Variants in CRYBG1 observed in about 807,000 individuals in gnomAD.
CRYBG1 encodes the protein beta/gamma crystallin domain-containing protein 1.
A neutral mutation model predicts 189.2 loss-of-function variants in CRYBG1; 139 were observed. The ratio of observed to expected loss-of-function variants is 0.73; its 90% CI spans 0.64 to 0.85. CRYBG1 has a LOEUF of 0.85. Among genes scored for constraint, CRYBG1 ranks in the 40% least tolerant of loss-of-function variants. CRYBG1 has a pLI of 0.00. For synonymous variants in CRYBG1, 1,023 were observed against 1,017.1 expected (o/e 1.01, Z -0.11); for missense variants, 2,611 against 2,675.8 (o/e 0.98, Z 0.53).
At chr6:106,479,209 T>C (rs1275675034) in intron 2 of CRYBG1, among the ~76,000 whole-genome samples, 1 of 152,252 alleles carries the variant, frequency 6.6e-6, no homozygotes, top group Non-Finnish European at 1.5e-5. Flanking sequence ...TATTTTCAAT[T>C]CTCTTGAGTA....
intron 2 of CRYBG1, among the ~76,000 whole-genome samples, chr6:106,508,030 T>G (rs947080478): frequency 6.6e-6 from 1 of 152,218 alleles, no homozygotes; most frequent in African/African-American, 2.4e-5. Context: ...AAGGATCACT[T>G]AAGCCCAAGA....
At chr6:106,518,436 A>G (rs7740989) in intron 3 of CRYBG1, among the ~76,000 whole-genome samples, 34,489 of 152,190 alleles carry the variant, frequency 0.23, 4,180 homozygotes, top group South Asian at 0.34. Context: ...TTGGAGCATG[A>G]GAATGCATTA....
Position 106,512,341 on chromosome 6 carries a change from C to T in CRYBG1, c.1224C>T (p.Asp408=), listed in dbSNP as rs1284336049. 1.9e-6 allele frequency: 3 copies of T among 1,610,808 alleles called. No individual in the cohort carries two copies. Among genetic ancestry groups the T allele is most frequent in the Non-Finnish European group, 2.5e-6 (3 of 1,179,280 alleles). The part of the protein sequence containing the change: ...PRAEDCGDWD[D]MEKRSSGRRS... ...CGGAAGATTGCGGTGACTGGGACGA[C>T]ATGGAGAAGAGGTCCAGCGGCCGTA... Residue 408 remains aspartate (D), a synonymous_variant, in exon 3 of 22, where the codon GAC becomes GAT. Transcript: ENST00000633556.
At chr6:106,375,800 G>A (rs1161181542) in intron 1 of CRYBG1, among the ~76,000 whole-genome samples, 1 of 152,162 alleles carries the variant, frequency 6.6e-6, no homozygotes, top group Non-Finnish European at 1.5e-5. Flanking sequence ...ACCCCTGTGG[G>A]TGTACATACC....
intron 2 of CRYBG1, among the ~76,000 whole-genome samples, chr6:106,464,697 C>T (rs1434400131): frequency 1.3e-5 from 2 of 152,092 alleles, no homozygotes; most frequent in African/African-American, 4.8e-5. Context: ...ATGACAGTAC[C>T]ATTAAAACCA....
intron 1 of CRYBG1, chr6:106,420,589 G>T (rs1352335397): frequency 1.3e-5 from 2 of 152,192 alleles, no homozygotes; most frequent in South Asian, 2.1e-4. Flanking sequence ...TGAGTTTGGG[G>T]TCCTGAGATT....
intron 1 of CRYBG1, among the ~76,000 whole-genome samples, chr6:106,412,276 A>C (rs1259504408): frequency 6.6e-6 from 1 of 152,264 alleles, no homozygotes; most frequent in Non-Finnish European, 1.5e-5. Context: ...CCAATACTAC[A>C]TCAGGCAGCC....
chr6:106,387,781 A>G (rs1053467006), intron 1 of CRYBG1, among the ~76,000 whole-genome samples: 1 of 152,130 alleles, frequency 6.6e-6, no homozygotes, highest in Non-Finnish European at 1.5e-5. Flanking sequence ...CATGGTAACA[A>G]AATTATGAAG....
intron 1 of CRYBG1, among the ~76,000 whole-genome samples, chr6:106,435,931 C>T (rs1267545674): frequency 1.3e-5 from 2 of 152,070 alleles, no homozygotes; most frequent in African/African-American, 4.8e-5. Flanking sequence ...TGAAGTATTC[C>T]AAGATCTAGA....
chr6:106,558,135 A>T (rs990748113), intron 17 of CRYBG1, among the ~76,000 whole-genome samples: 1 of 143,188 alleles, frequency 7.0e-6, no homozygotes, highest in African/African-American at 2.5e-5. Flanking sequence ...AATTATGTCC[A>T]TGACTTTCCA....
intron 1 of CRYBG1, among the ~76,000 whole-genome samples, chr6:106,425,136 C>T (rs765188088): frequency 6.6e-6 from 1 of 152,104 alleles, no homozygotes; most frequent in Non-Finnish European, 1.5e-5. Context: ...CTTTCCAGAC[C>T]CTTATTCTGC....
rs1417538006 is a variant in CRYBG1 at position 106,512,110 on chromosome 6, C to G, written c.993C>G (p.Ala331=). The G allele has an allele frequency of 3.3e-6, 5 of 1,534,520 alleles. No individual in the cohort carries two copies. The highest frequency in any genetic ancestry group is 4.4e-6 in the Non-Finnish European group (5 of 1,146,174). Residue 331 remains alanine, a synonymous_variant, in exon 3 of 22, where the codon GCC becomes GCG. Coordinates refer to ENST00000633556, the MANE Select transcript of CRYBG1 (RefSeq NM_001371242.2). ...AEEGSLGPRN[A]RSQPPKGASD... is the part of the protein sequence containing the mutation. ...AAGGCTCCCTGGGGCCCCGCAACGCCCGCAGCCAGCCCCCCAAGGGCGCGT... is the reference window on the plus strand; with the variant it reads ...AAGGCTCCCTGGGGCCCCGCAACGCGCGCAGCCAGCCCCCCAAGGGCGCGT...
intron 1 of CRYBG1, among the ~76,000 whole-genome samples, chr6:106,379,218 T>C (rs1042101219): frequency 2.6e-5 from 4 of 152,200 alleles, no homozygotes; most frequent in African/African-American, 7.2e-5. Context: ...AAAACACTTA[T>C]TTGATTAGTA....
chr6:106,512,356 C>A lies in CRYBG1; in HGVS notation c.1239C>A (p.Ser413=). The change falls in exon 3 of 22, where the codon TCC becomes TCA. Residue 413 remains serine (S), a synonymous_variant. Coordinates refer to ENST00000633556, the MANE Select transcript of CRYBG1 (RefSeq NM_001371242.2). The part of the protein sequence containing the change: ...CGDWDDMEKR[S]SGRRSGRRRG... ...ACTGGGACGACATGGAGAAGAGGTCCAGCGGCCGTAGGTCGGGGAGGCGGA... is the reference window on the plus strand; with the variant it reads ...ACTGGGACGACATGGAGAAGAGGTCAAGCGGCCGTAGGTCGGGGAGGCGGA... 6.2e-7 allele frequency: 1 copy of A among 1,611,334 alleles called. No individual in the cohort carries two copies.
At chr6:106,567,925 G>A (rs138316474) in intron 21 of CRYBG1, among the ~76,000 whole-genome samples, 27 of 152,144 alleles carry the variant, frequency 1.8e-4, no homozygotes, top group African/African-American at 4.3e-4. Flanking sequence ...ATGCTACCGC[G>A]TCCCCTTATG....
At chr6:106,391,927 A>ATGTG (rs1770511929) in intron 1 of CRYBG1, among the ~76,000 whole-genome samples, 1 of 130,100 alleles carries the variant, frequency 7.7e-6, no homozygotes. Context: ...GTTGTTTAAA[A>ATGTG]CGTGTGTGTG....
intron 2 of CRYBG1, among the ~76,000 whole-genome samples, chr6:106,496,121 A>C (rs537985505): frequency 1.3e-5 from 2 of 152,348 alleles, no homozygotes; most frequent in East Asian, 3.9e-4. Context: ...TTATTTGGAC[A>C]CAAAAATTTA....
At chr6:106,404,117 A>G (rs1286945941) in intron 1 of CRYBG1, among the ~76,000 whole-genome samples, 1 of 152,248 alleles carries the variant, frequency 6.6e-6, no homozygotes, top group African/African-American at 2.4e-5. Context: ...TGCTTTTCAC[A>G]GCAAGCTATG....
At chr6:106,536,662 G>A (rs17067217) in intron 8 of CRYBG1, among the ~76,000 whole-genome samples, 4,983 of 152,234 alleles carry the variant, frequency 0.033, 275 homozygotes, top group East Asian at 0.19. Flanking sequence ...GATGGCCATT[G>A]TTATTACTTT....
Sources: gnomAD v4.1 joint callset for allele counts (sites outside exome capture counted in the v4.1 genomes callset) on GRCh38, gnomAD v4.1.1 for gene constraint, MANE v1.5 for transcripts, NCBI Gene and HGNC (gene_info 2026-07-23, HGNC 2026-07-21) for gene names.